AHCYL2: variants seen among roughly 807,000 people sequenced by gnomAD.
AHCYL2 encodes adenosylhomocysteinase like 2.
AHCYL2 carries 28 observed loss-of-function variants against 81.4 expected under a neutral mutation model. The observed-to-expected ratio is 0.34, with a 90% confidence interval of 0.25 to 0.47. AHCYL2 has a LOEUF of 0.47. Ranked by LOEUF, AHCYL2 falls within the 20% of genes least tolerant of loss-of-function variation. The pLI is 1.00. For missense variants in AHCYL2, 551 were observed against 785.1 expected, an observed-to-expected ratio of 0.70 and a Z score of 3.56; for synonymous variants, 272 against 290.2, an observed-to-expected ratio of 0.94 and a Z score of 0.64.
intron 2 of AHCYL2, among the ~76,000 whole-genome samples, chr7:129,384,735 G>C (rs1795125637): frequency 6.6e-6 from 1 of 152,140 alleles, no homozygotes; most frequent in African/African-American, 2.4e-5. Flanking sequence ...ATCCTCATCT[G>C]AATCACAGAA....
At chr7:129,303,808 G>GGT (rs1797334069) in intron 1 of AHCYL2, among the ~76,000 whole-genome samples, 2 of 152,076 alleles carry the variant, frequency 1.3e-5, no homozygotes, top group African/African-American at 4.8e-5. Flanking sequence ...TCTTTGGCTG[G>GGT]GTGTGGTGGC....
intron 1 of AHCYL2, among the ~76,000 whole-genome samples, chr7:129,289,034 C>T (rs1323372532): frequency 2.6e-5 from 4 of 151,750 alleles, no homozygotes; most frequent in African/African-American, 4.8e-5. Flanking sequence ...TGCCAGCCTT[C>T]GTCTTCCAAA....
At chr7:129,357,700 C>T (rs771742897) in intron 1 of AHCYL2, among the ~76,000 whole-genome samples, 11 of 152,098 alleles carry the variant, frequency 7.2e-5, no homozygotes, top group African/African-American at 2.2e-4. Context: ...TTTGGGACGC[C>T]GAGGTGGGTG....
intron 1 of AHCYL2, among the ~76,000 whole-genome samples, chr7:129,328,158 T>C (rs757996522): frequency 3.9e-5 from 6 of 152,112 alleles, no homozygotes; most frequent in Non-Finnish European, 8.8e-5. Context: ...CTAGTTATGC[T>C]GCATTTCCTG....
chr7:129,422,749 C>A, intron 12 of AHCYL2, 91 bp from the exon 13 acceptor site: 1 of 1,123,768 alleles, frequency 8.9e-7, no homozygotes, highest in Non-Finnish European at 1.3e-6. Flanking sequence ...CTCCTTTCAA[C>A]CTGCTATTTG....
At chr7:129,365,980 AG>A (rs1357149901) in intron 1 of AHCYL2, among the ~76,000 whole-genome samples, 25 of 152,148 alleles carry the variant, frequency 1.6e-4, no homozygotes, top group African/African-American at 6.0e-4. Context: ...TTTAGGTAAC[AG>A]ATGTGACTTC....
chr7:129,345,648 C>T (rs1293534474), intron 1 of AHCYL2, among the ~76,000 whole-genome samples: 1 of 152,072 alleles, frequency 6.6e-6, no homozygotes, highest in East Asian at 1.9e-4. Flanking sequence ...GTCACATTAT[C>T]AAGATGGACA....
chr7:129,381,546 C>T (rs1413562173), intron 2 of AHCYL2, among the ~76,000 whole-genome samples: 2 of 152,178 alleles, frequency 1.3e-5, no homozygotes, highest in South Asian at 2.1e-4. Context: ...AGTTCAGGCA[C>T]AGGAAGTCAA....
intron 1 of AHCYL2, among the ~76,000 whole-genome samples, chr7:129,311,585 G>A (rs1175297913): frequency 4.2e-5 from 5 of 120,208 alleles, no homozygotes; most frequent in African/African-American, 1.6e-4. Context: ...CCCCCACCGC[G>A]CCAGCAACTT....
chr7:129,358,265 G>T (rs890221234), intron 1 of AHCYL2, among the ~76,000 whole-genome samples: 1 of 151,944 alleles, frequency 6.6e-6, no homozygotes, highest in Admixed American at 6.5e-5. Context: ...GGTGGCGGGC[G>T]CCTGTAGTCC....
intron 1 of AHCYL2, among the ~76,000 whole-genome samples, chr7:129,251,064 A>C (rs1277958353): frequency 2.0e-5 from 3 of 152,110 alleles, no homozygotes; most frequent in Non-Finnish European, 2.9e-5. Context: ...CTTAAAGTGA[A>C]ATGTATGTTG....
intron 1 of AHCYL2, among the ~76,000 whole-genome samples, chr7:129,272,149 G>C (rs1478296662): frequency 6.6e-6 from 1 of 152,220 alleles, no homozygotes; most frequent in African/African-American, 2.4e-5. Context: ...GCTGTGAGGA[G>C]TCCAAGCCAG....
chr7:129,425,339 G>GA (rs1403666328), intron 15 of AHCYL2, among the ~76,000 whole-genome samples, 198 bp downstream of exon 15: 1 of 151,838 alleles, frequency 6.6e-6, no homozygotes, highest in Non-Finnish European at 1.5e-5. Flanking sequence ...GCGAAGTTGT[G>GA]ATATTATGCT....
chr7:129,397,803 A>C (rs1299905582), intron 5 of AHCYL2, among the ~76,000 whole-genome samples: 1 of 152,242 alleles, frequency 6.6e-6, no homozygotes, highest in Non-Finnish European at 1.5e-5. Context: ...GACAAAAGAA[A>C]TAGAGAAATT....
chr7:129,403,860 C>CAAAAAAAAAAAAAAAA (rs34806455), intron 7 of AHCYL2, among the ~76,000 whole-genome samples: 4 of 80,200 alleles, frequency 5.0e-5, no homozygotes, highest in Non-Finnish European at 1.1e-4. Context: ...GACTCCATCT[C>CAAAAAAAAAAAAAAAA]AAAAAAAAAA....
At chr7:129,403,786 A>C (rs1191630209) in intron 7 of AHCYL2, among the ~76,000 whole-genome samples, 2 of 146,340 alleles carry the variant, frequency 1.4e-5, no homozygotes, top group East Asian at 4.0e-4. Flanking sequence ...GCATGAACCC[A>C]GGAGGCGGAG....
chr7:129,259,729 G>T (rs184312994), intron 1 of AHCYL2, among the ~76,000 whole-genome samples: 1 of 152,276 alleles, frequency 6.6e-6, no homozygotes, highest in East Asian at 1.9e-4. Context: ...ACTCTGTTGT[G>T]GGGAAATACT....
intron 1 of AHCYL2, among the ~76,000 whole-genome samples, chr7:129,254,338 A>G (rs761415663): frequency 1.3e-5 from 2 of 152,224 alleles, no homozygotes; most frequent in Non-Finnish European, 2.9e-5. Context: ...TTATCCTACA[A>G]CAACATAATT....
chr7:129,358,225 C>T (rs1793807081), intron 1 of AHCYL2, among the ~76,000 whole-genome samples: 1 of 151,814 alleles, frequency 6.6e-6, no homozygotes, highest in African/African-American at 2.4e-5. Context: ...AACCCCGTCT[C>T]TACTAAACAT....
Sources: gnomAD v4.1 joint callset for allele counts (sites outside exome capture counted in the v4.1 genomes callset) on GRCh38, gnomAD v4.1.1 for gene constraint, MANE v1.5 for transcripts, NCBI Gene and HGNC (gene_info 2026-07-23, HGNC 2026-07-21) for gene names.